The following NPAS3 variants were observed in gnomAD, a reference collection of about 807,000 sequenced individuals.
NPAS3 encodes the protein neuronal PAS domain protein 3.
A neutral mutation model predicts 73.1 loss-of-function variants in NPAS3; 14 were observed. That is an observed-to-expected ratio of 0.19 (90% CI 0.13 to 0.30). NPAS3 has a LOEUF of 0.30. Among genes scored for constraint, NPAS3 ranks in the 10% least tolerant of loss-of-function variants. NPAS3 has a pLI of 1.00. For missense variants in NPAS3, 1,096 were observed against 1,250.0 expected, an observed-to-expected ratio of 0.88 and a Z score of 1.86; for synonymous variants, 620 against 541.5, an observed-to-expected ratio of 1.14 and a Z score of -2.01.
At chr14:33,483,359 C>T (rs1313390953) in intron 4 of NPAS3, among the ~76,000 whole-genome samples, 1 of 152,072 alleles carries the variant, frequency 6.6e-6, no homozygotes, top group Non-Finnish European at 1.5e-5. Context: ...TTGTTTTGTT[C>T]TGTTTGAACA....
At chr14:33,722,135 G>C (rs187336879) in intron 6 of NPAS3, among the ~76,000 whole-genome samples, 37 of 152,198 alleles carry the variant, frequency 2.4e-4, no homozygotes, top group African/African-American at 8.9e-4. Context: ...ATACCATTTA[G>C]ACCCAGAAGC....
chr14:33,170,118 C>T (rs1746048224), intron 2 of NPAS3, among the ~76,000 whole-genome samples: 1 of 152,116 alleles, frequency 6.6e-6, no homozygotes, highest in Non-Finnish European at 1.5e-5. Context: ...TATCTCTATA[C>T]TGAGAGTTAC....
Position 33,392,636 on chromosome 14 carries a change from T to G in NPAS3, c.468+25368T>G, listed in dbSNP as rs553858448. On this transcript the variant is annotated intron_variant, in intron 4 of 11. Transcript: ENST00000356141. ...TTCTTTTGTGTTCAGTTATGACTATTTCCATATTTCCAAAAGAAGTCTGGA... is the reference window on the plus strand; with the variant it reads ...TTCTTTTGTGTTCAGTTATGACTATGTCCATATTTCCAAAAGAAGTCTGGA... Among the ~76,000 whole-genome samples the G allele has an allele frequency of 2.0e-5, 3 of 152,278 alleles. No individual in the cohort carries two copies. The East Asian group carries it at 5.8e-4, about 29-fold the overall frequency.
intron 3 of NPAS3, among the ~76,000 whole-genome samples, chr14:33,295,871 A>G (rs1392363771): frequency 6.6e-6 from 1 of 152,338 alleles, no homozygotes; most frequent in East Asian, 1.9e-4. Context: ...ATACAATGGG[A>G]TGGAATTAGA....
At chr14:33,090,367 A>T (rs1021048202) in intron 2 of NPAS3, among the ~76,000 whole-genome samples, 8 of 152,332 alleles carry the variant, frequency 5.3e-5, no homozygotes, top group Non-Finnish European at 1.2e-4. Flanking sequence ...GATAAAACAG[A>T]CTTTAAACCA....
chr14:33,501,149 G>A (rs962234089), intron 4 of NPAS3, among the ~76,000 whole-genome samples: 13 of 151,870 alleles, frequency 8.6e-5, no homozygotes, highest in African/African-American at 1.5e-4. Context: ...AAATTAGAGT[G>A]TGTGTGCTAA....
intron 5 of NPAS3, among the ~76,000 whole-genome samples, chr14:33,641,243 T>C (rs2058668053): frequency 6.6e-6 from 1 of 152,250 alleles, no homozygotes; most frequent in South Asian, 2.1e-4. Context: ...AGATCTTTCT[T>C]AGCCCTCTCT....
chr14:32,993,352 T>C (rs745533190), intron 1 of NPAS3, among the ~76,000 whole-genome samples: 8 of 151,962 alleles, frequency 5.3e-5, no homozygotes, highest in Non-Finnish European at 8.8e-5. Flanking sequence ...GAAGGAAATA[T>C]GAAATAAACT....
At chr14:33,315,707 A>G (rs2043183703) in intron 3 of NPAS3, among the ~76,000 whole-genome samples, 1 of 151,976 alleles carries the variant, frequency 6.6e-6, no homozygotes, top group Admixed American at 6.6e-5. Flanking sequence ...GTTCATCTTC[A>G]GGGGAATGGA....
chr14:33,394,364 C>A (rs758806708), intron 4 of NPAS3, among the ~76,000 whole-genome samples: 4 of 152,154 alleles, frequency 2.6e-5, no homozygotes, highest in Non-Finnish European at 5.9e-5. Flanking sequence ...GTATATATTT[C>A]TTTTCCTCCT....
chr14:33,488,908 T>G (rs1256312166), intron 4 of NPAS3, among the ~76,000 whole-genome samples: 2 of 152,164 alleles, frequency 1.3e-5, no homozygotes, highest in Non-Finnish European at 2.9e-5. Flanking sequence ...GCAGGAAGTG[T>G]GAACGTGGGC....
chr14:33,111,630 A>T (rs2042895290), intron 2 of NPAS3, among the ~76,000 whole-genome samples: 1 of 147,184 alleles, frequency 6.8e-6, no homozygotes, highest in Admixed American at 6.7e-5. Flanking sequence ...ATTATTGAAG[A>T]CCTGCACAGT....
intron 4 of NPAS3, among the ~76,000 whole-genome samples, chr14:33,517,977 C>T (rs757073054): frequency 8.1e-4 from 124 of 152,208 alleles, no homozygotes; most frequent in Non-Finnish European, 1.3e-3. Context: ...TCCTGCCAGA[C>T]CCAAGCAGCT....
chr14:33,469,796 T>G (rs1594967580), intron 4 of NPAS3, among the ~76,000 whole-genome samples: 1 of 152,252 alleles, frequency 6.6e-6, no homozygotes, highest in East Asian at 1.9e-4. Flanking sequence ...CGTGTGAAAG[T>G]AGGAAGATGT....
intron 1 of NPAS3, among the ~76,000 whole-genome samples, chr14:32,960,398 A>G (rs1305395826): frequency 1.3e-5 from 2 of 152,178 alleles, no homozygotes; most frequent in Non-Finnish European, 2.9e-5. Context: ...ATATAAAAAG[A>G]GTCATTTTTG....
At chr14:32,988,957 T>C (rs2038205849) in intron 1 of NPAS3, among the ~76,000 whole-genome samples, 1 of 152,166 alleles carries the variant, frequency 6.6e-6, no homozygotes, top group African/African-American at 2.4e-5. Flanking sequence ...CTAAGCAGGG[T>C]GGTGGAGATC....
At position 33,657,946 on chromosome 14, in the gene NPAS3, C is replaced by A. The variant is rs563704304; in HGVS notation, c.559-18265C>A. Among the ~76,000 whole-genome samples, 9 of 152,302 alleles carry A rather than the reference C, an allele frequency of 5.9e-5. No individual in the cohort carries two copies. The South Asian group carries it at 8.3e-4, about 14-fold the overall frequency. Reference sequence around the variant, plus strand: ...AGTAAATATCGCCACTTACTCCAAGCGCACGCTCCTCGAAGCTCCTACAAA... The same window carrying A: ...AGTAAATATCGCCACTTACTCCAAGAGCACGCTCCTCGAAGCTCCTACAAA... On this transcript the variant is annotated intron_variant, in intron 5 of 11. Coordinates refer to ENST00000356141, the Ensembl canonical transcript of NPAS3.
chr14:33,764,812 G>A (rs1441332780), intron 7 of NPAS3, among the ~76,000 whole-genome samples: 1 of 152,220 alleles, frequency 6.6e-6, no homozygotes, highest in East Asian at 1.9e-4. Flanking sequence ...CTTTAATAAA[G>A]TAACTGAATC....
chr14:33,541,129 A>ATGTG (rs2054497539), intron 4 of NPAS3, among the ~76,000 whole-genome samples: 2 of 109,490 alleles, frequency 1.8e-5, no homozygotes, highest in East Asian at 2.8e-4. Flanking sequence ...GTGTGTGTGC[A>ATGTG]TGCACACACA....
Sources: allele counts gnomAD v4.1 joint callset (sites outside exome capture counted in the v4.1 genomes callset), GRCh38; gene constraint gnomAD v4.1.1; transcripts MANE v1.5; gene names NCBI Gene and HGNC (gene_info 2026-07-23, HGNC 2026-07-21).